The following TRIT1 variants were observed in gnomAD, a reference collection of about 807,000 sequenced individuals.
TRIT1 encodes tRNA dimethylallyltransferase.
In TRIT1, 43 loss-of-function variants were observed where a neutral mutation model predicts 51.2. That is an observed-to-expected ratio of 0.84 (90% CI 0.66 to 1.08). The LOEUF (loss-of-function observed/expected upper bound fraction) is 1.08. Among genes scored for constraint, TRIT1 ranks in the 50% least tolerant of loss-of-function variants. The pLI is 0.00. For missense variants in TRIT1, 528 were observed against 578.4 expected, an observed-to-expected ratio of 0.91 and a Z score of 0.89; for synonymous variants, 184 against 203.9, an observed-to-expected ratio of 0.90 and a Z score of 0.83.
intron 1 of TRIT1, among the ~76,000 whole-genome samples, chr1:39,879,941 T>C (rs1284171778): frequency 7.1e-6 from 1 of 140,370 alleles, no homozygotes. Flanking sequence ...TTTTGGGAGG[T>C]TGAGGTGGGC....
intron 5 of TRIT1, among the ~76,000 whole-genome samples, chr1:39,849,173 C>T (rs910662543): frequency 2.0e-5 from 3 of 152,094 alleles, no homozygotes; most frequent in Non-Finnish European, 4.4e-5. Context: ...ATTCTGAGCA[C>T]TATATATGTA....
intron 1 of TRIT1, among the ~76,000 whole-genome samples, chr1:39,860,576 C>T (rs61779844): frequency 0.064 from 9,781 of 152,160 alleles, 769 homozygotes; most frequent in East Asian, 0.18. Flanking sequence ...GGATACTCAA[C>T]CTGTACCACA....
At chr1:39,872,068 A>ATTTTTTTTT (rs59839907) in intron 1 of TRIT1, among the ~76,000 whole-genome samples, 16 of 114,212 alleles carry the variant, frequency 1.4e-4, no homozygotes, top group East Asian at 9.7e-4. Context: ...GGCCTGACTA[A>ATTTTTTTTT]TTTTTTTTTT....
intron 2 of TRIT1, among the ~76,000 whole-genome samples, chr1:39,856,583 T>C (rs565329309): frequency 1.8e-4 from 27 of 152,180 alleles, no homozygotes; most frequent in Admixed American, 5.2e-4. Flanking sequence ...CTAAATAAGT[T>C]CCATGCTATT....
chr1:39,881,520 T>G (rs149396792), intron 1 of TRIT1: 32 of 151,218 alleles, frequency 2.1e-4, no homozygotes, highest in African/African-American at 7.1e-4. Context: ...ACTATGGCCA[T>G]TTCACCTTCT....
intron 1 of TRIT1, among the ~76,000 whole-genome samples, chr1:39,870,017 G>A (rs557954023): frequency 2.6e-5 from 4 of 152,360 alleles, no homozygotes; most frequent in African/African-American, 4.8e-5. Flanking sequence ...GGTGTACCCA[G>A]CAGCTCATTG....
At chr1:39,879,762 A>G (rs1386251885) in intron 1 of TRIT1, among the ~76,000 whole-genome samples, 3 of 151,052 alleles carry the variant, frequency 2.0e-5, no homozygotes, top group Non-Finnish European at 4.4e-5. Flanking sequence ...AGTCCCAGCT[A>G]CTAGGGAGGC....
Position 39,853,182 on chromosome 1 carries a change from G to C in TRIT1, c.415-306C>G, listed in dbSNP as rs1278171344. 2.6e-5 allele frequency among the ~76,000 whole-genome samples: 4 copies of C among 152,076 alleles called. No individual in the cohort carries two copies. In the East Asian group the frequency reaches 7.7e-4, roughly 29 times the overall value. ...CCAGGAGTCTAGTCTTCTCAGCAAG[G>C]GTGAACAAGGAGACCAGGATTGCCA... On this transcript the variant is annotated intron_variant, in intron 3 of 10. Transcript: ENST00000316891.
rs1226679468 is a variant in TRIT1, at chr1:39,840,631, T to C, written c.*1113A>G. ...TAGAGTAGATTCTGCACAAACAAAA[T>C]GTATTTGAATGGGGAGTTAACGCTT... is the stretch of plus-strand genomic sequence containing the variant. On this transcript the variant is annotated 3_prime_UTR_variant, in exon 11 of 11. Transcript: ENST00000316891. Among the ~76,000 whole-genome samples, 2 of 152,154 alleles carry C rather than the reference T, an allele frequency of 1.3e-5. No individual in the cohort carries two copies. The highest frequency in any genetic ancestry group is 2.4e-5 in the African/African-American group (1 of 41,426).
intron 2 of TRIT1, among the ~76,000 whole-genome samples, chr1:39,854,724 G>A (rs981154187): frequency 6.6e-6 from 1 of 152,136 alleles, no homozygotes; most frequent in Non-Finnish European, 1.5e-5. Context: ...CTAAAAAATA[G>A]TAAGCACTCA....
chr1:39,846,992 T>C, intron 8 of TRIT1: 1 of 438,666 alleles, frequency 2.3e-6, no homozygotes, highest in South Asian at 4.9e-5. Flanking sequence ...CCAGTATCCA[T>C]CTGTTCAAGG....
chr1:39,852,669 T>A, intron 4 of TRIT1, 62 bp downstream of exon 4: 2 of 1,571,874 alleles, frequency 1.3e-6, no homozygotes, highest in Non-Finnish European at 1.7e-6. Context: ...CTGGGCAAAC[T>A]GAAGAACTGA....
chr1:39,859,695 G>T (rs1643131575), intron 1 of TRIT1, among the ~76,000 whole-genome samples: 1 of 152,114 alleles, frequency 6.6e-6, no homozygotes, highest in Non-Finnish European at 1.5e-5. Context: ...GGTTGGCTCT[G>T]CTGTAGCTTA....
intron 4 of TRIT1, among the ~76,000 whole-genome samples, chr1:39,850,669 A>G (rs1259321781): frequency 6.6e-6 from 1 of 152,216 alleles, no homozygotes; most frequent in Admixed American, 6.5e-5. Context: ...TTATTCTGAA[A>G]TCAGTTAAAT....
chr1:39,869,990 C>T (rs868575838), intron 1 of TRIT1, among the ~76,000 whole-genome samples: 3 of 152,230 alleles, frequency 2.0e-5, no homozygotes, highest in South Asian at 2.1e-4. Flanking sequence ...TCTCTCCGGC[C>T]GCCACCCCGT....
intron 4 of TRIT1, 26 bp downstream of exon 4, chr1:39,852,705 G>C: frequency 6.2e-7 from 1 of 1,607,672 alleles, no homozygotes; most frequent in Non-Finnish European, 8.5e-7. Context: ...AAAGGAATTT[G>C]GGGTCAGCGC....
chr1:39,854,091 C>T (rs190672583), intron 2 of TRIT1, 23 bp from the exon 3 acceptor site: 9 of 1,511,144 alleles, frequency 6.0e-6, no homozygotes, highest in East Asian at 2.3e-5. Flanking sequence ...AAAGATATCA[C>T]GATATCAAGA....
chr1:39,873,248 C>T (rs902589132), intron 1 of TRIT1, among the ~76,000 whole-genome samples: 4 of 152,262 alleles, frequency 2.6e-5, no homozygotes, highest in South Asian at 2.1e-4. Context: ...TCAAAGTTAC[C>T]ATCACCAGTA....
Position 39,852,890 on chromosome 1 carries a change from G to T in TRIT1, c.415-14C>A. On this transcript the variant is annotated splice_polypyrimidine_tract_variant and intron_variant, in intron 3 of 10. Transcript: ENST00000316891. The stretch of plus-strand genomic sequence containing the variant: ...CATCTCCTGGGGCTATTAAATGATG[G>T]TTTAGAAGTATATTTAATTCAACCA... 1 of 1,613,294 alleles carries T rather than the reference G, an allele frequency of 6.2e-7. No individual in the cohort carries two copies.
Sources: allele counts gnomAD v4.1 joint callset (sites outside exome capture counted in the v4.1 genomes callset), GRCh38; gene constraint gnomAD v4.1.1; transcripts MANE v1.5; gene names NCBI Gene and HGNC (gene_info 2026-07-23, HGNC 2026-07-21).